Variants in SPATA13 observed in about 807,000 individuals in gnomAD.
SPATA13 encodes the protein spermatogenesis-associated protein 13.
Under a neutral mutation model 104.0 loss-of-function variants are expected in SPATA13, and 50 were observed. That is an observed-to-expected ratio of 0.48 (90% CI 0.38 to 0.61). The LOEUF (loss-of-function observed/expected upper bound fraction) is 0.61, where lower values mean the gene tolerates loss of function less well. Among genes scored for constraint, SPATA13 ranks in the 20% least tolerant of loss-of-function variants. The pLI is 0.00. For missense variants in SPATA13, 1,524 were observed against 1,690.6 expected (o/e 0.90, Z 1.73); for synonymous variants, 606 against 667.5 (o/e 0.91, Z 1.42).
At chr13:24,104,573 G>T (rs767297969) in intron 3 of SPATA13, among the ~76,000 whole-genome samples, 1 of 152,280 alleles carries the variant, frequency 6.6e-6, no homozygotes, top group Non-Finnish European at 1.5e-5. Context: ...GAAAGAAGCC[G>T]ATTCCTTTTC....
intron 2 of SPATA13, among the ~76,000 whole-genome samples, chr13:24,227,027 T>C (rs1294825204): frequency 6.6e-6 from 1 of 152,156 alleles, no homozygotes; most frequent in Non-Finnish European, 1.5e-5. Context: ...GTGGAGCAGT[T>C]GTAAGGACAC....
At chr13:24,122,300 T>G (rs1353512063) in intron 3 of SPATA13, 1 of 1,363,340 alleles carries the variant, frequency 7.3e-7, no homozygotes, top group Non-Finnish European at 1.1e-6. Context: ...AGTTTGAAAC[T>G]ATTCAAACTA....
At chr13:24,054,240 T>C (rs1393210275) in intron 3 of SPATA13, among the ~76,000 whole-genome samples, 1 of 152,204 alleles carries the variant, frequency 6.6e-6, no homozygotes, top group Admixed American at 6.5e-5. Flanking sequence ...AGACCACTGG[T>C]TCATTTAGCC....
chr13:24,297,637 A>G lies in SPATA13; in HGVS notation c.3485A>G (p.Glu1162Gly). The change falls in exon 11 of 13, where the codon GAG becomes GGG. Residue 1162 changes from glutamate to glycine, a missense_variant. Coordinates refer to ENST00000382108, the MANE Select transcript of SPATA13 (RefSeq NM_001166271.3). ...AAGCTCGTCAGTAGGACCACAGACGAGGTTTATTTGTTTTGTGCCAAAAAA... is the reference window on the plus strand; with the variant it reads ...AAGCTCGTCAGTAGGACCACAGACGGGGTTTATTTGTTTTGTGCCAAAAAA... ...AFKLVSRTTD[E>G]VYLFCAKKQE... 6.2e-7 allele frequency: 1 copy of G among 1,614,232 alleles called. No homozygotes were observed. The highest frequency in any genetic ancestry group is 8.5e-7 in the Non-Finnish European group (1 of 1,180,042).
chr13:24,236,810 G>A (rs1872598061), intron 2 of SPATA13, among the ~76,000 whole-genome samples: 1 of 152,038 alleles, frequency 6.6e-6, no homozygotes, highest in African/African-American at 2.4e-5. Context: ...ATGATGGTAC[G>A]GCTGCTGTGA....
At chr13:24,110,046 G>T (rs1450974911) in intron 3 of SPATA13, among the ~76,000 whole-genome samples, 1 of 149,068 alleles carries the variant, frequency 6.7e-6, no homozygotes, top group Admixed American at 6.8e-5. Flanking sequence ...TGCAAATTTG[G>T]CAGCGGGACA....
chr13:24,271,021 ACT>A (rs35776484), intron 4 of SPATA13: 26,504 of 485,470 alleles, frequency 0.055, 8 homozygotes, highest in East Asian at 0.11. Context: ...ACTCTCTCTC[ACT>A]CTCTCTCTCT....
Position 24,275,913 on chromosome 13 carries a change from G to A in SPATA13, c.2165-8222G>A, listed in dbSNP as rs541926731. On this transcript the variant is annotated intron_variant, in intron 4 of 12. Coordinates refer to ENST00000382108, the MANE Select transcript of SPATA13 (RefSeq NM_001166271.3). The stretch of plus-strand genomic sequence containing the variant: ...CGCGCCACAGCACTCCAGCCTGGGC[G>A]ACAGAGCAAGACCTTGTCCCTCACC... Among the ~76,000 whole-genome samples the A allele has an allele frequency of 4.9e-3, 751 of 152,312 alleles. 3 individuals carry two copies. The highest frequency in any genetic ancestry group is 8.2e-3 in the Non-Finnish European group (556 of 68,028).
At chr13:24,106,400 T>C (rs1299497504) in intron 3 of SPATA13, among the ~76,000 whole-genome samples, 2 of 152,222 alleles carry the variant, frequency 1.3e-5, no homozygotes, top group East Asian at 3.8e-4. Flanking sequence ...CAAAAGTTAT[T>C]TTTCTCCACA....
chr13:24,010,513 G>A (rs563102921), intron 2 of SPATA13, among the ~76,000 whole-genome samples: 2 of 150,870 alleles, frequency 1.3e-5, no homozygotes, highest in East Asian at 3.9e-4. Flanking sequence ...AGAATGGGAG[G>A]CAGGTTTGCC....
chr13:24,076,641 G>C (rs1879337850), intron 3 of SPATA13, among the ~76,000 whole-genome samples: 1 of 151,958 alleles, frequency 6.6e-6, no homozygotes, highest in Non-Finnish European at 1.5e-5. Context: ...GGTGCTGTGG[G>C]GGATGCAAAA....
chr13:24,122,334 A>T, intron 3 of SPATA13: 1 of 1,459,906 alleles, frequency 6.8e-7, no homozygotes, highest in African/African-American at 1.4e-5. Flanking sequence ...TTTGAAAGAT[A>T]GCTTTAAATA....
At chr13:24,257,300 A>G (rs1029755698) in intron 4 of SPATA13, among the ~76,000 whole-genome samples, 2 of 152,208 alleles carry the variant, frequency 1.3e-5, no homozygotes, top group African/African-American at 4.8e-5. Flanking sequence ...CACAGAGACA[A>G]GCAAAGGACG....
chr13:23,983,922 C>G lies in SPATA13; in HGVS notation c.-158C>G, dbSNP rs190011271. 1.6e-5 allele frequency: 16 copies of G among 985,476 alleles called. No homozygotes were observed. In the Admixed American group the frequency reaches 9.8e-4, roughly 61 times the overall value. The allele number at this position is 985,476 out of a possible 1,614,324, so 61.0% of individuals were successfully genotyped here. ...GCAAAGCGTAGGCCTCACAAACATC[C>G]TGGCCGTGAAGGTAAGTTGAGCAAC... On this transcript the variant is annotated 5_prime_UTR_variant, in exon 2 of 15. Coordinates refer to the SPATA13 transcript ENST00000424834.
chr13:23,995,717 G>A (rs956797938), intron 2 of SPATA13, among the ~76,000 whole-genome samples: 1 of 152,162 alleles, frequency 6.6e-6, no homozygotes, highest in African/African-American at 2.4e-5. Context: ...AAATAGAGGG[G>A]GTTGTGTTAA....
chr13:24,124,510 G>T (rs1434298163), intron 3 of SPATA13, among the ~76,000 whole-genome samples: 2 of 152,220 alleles, frequency 1.3e-5, no homozygotes, highest in East Asian at 3.8e-4. Context: ...AAGGTGGATG[G>T]CCTGGTGGGA....
intron 3 of SPATA13, among the ~76,000 whole-genome samples, chr13:24,020,076 G>C (rs1302523487): frequency 6.6e-6 from 1 of 152,130 alleles, no homozygotes; most frequent in Admixed American, 6.6e-5. Context: ...CCACCTCAGA[G>C]CACCAAGCCT....
chr13:24,237,895 AACAT>A (rs1429303914), intron 2 of SPATA13, among the ~76,000 whole-genome samples: 5 of 143,644 alleles, frequency 3.5e-5, no homozygotes, highest in African/African-American at 1.3e-4. Flanking sequence ...ATAATATATA[AACAT>A]ACATGTTTAA....
rs1407219198 is a variant in SPATA13, at chr13:24,303,665, G to A, written c.*892G>A. ...TCATGCCTGTAATCCCAGCACTTTG[G>A]GAGGCCAAGGCAGGTGGATCACCTG... On this transcript the variant is annotated 3_prime_UTR_variant, in exon 13 of 13. Coordinates refer to ENST00000382108, the MANE Select transcript of SPATA13 (RefSeq NM_001166271.3). 6.5e-6 allele frequency: 1 copy of A among 153,008 alleles called. No individual in the cohort carries two copies. Among genetic ancestry groups the A allele is most frequent in the Non-Finnish European group, 1.5e-5 (1 of 68,624 alleles). 9.5% of individuals were successfully genotyped at this position (153,008 alleles called of 1,614,324 possible). A position where few individuals can be genotyped will look rare whatever the true frequency, so the allele number is the denominator to read the frequency against.
Sources: gnomAD v4.1 joint callset for allele counts (sites outside exome capture counted in the v4.1 genomes callset) on GRCh38, gnomAD v4.1.1 for gene constraint, MANE v1.5 for transcripts, NCBI Gene and HGNC (gene_info 2026-07-23, HGNC 2026-07-21) for gene names.